The following ATP8A2 variants were observed in gnomAD, a reference collection of about 807,000 sequenced individuals.
The protein encoded by ATP8A2 is phospholipid-transporting ATPase IB.
Under a neutral mutation model 165.6 loss-of-function variants are expected in ATP8A2, and 100 were observed. The observed-to-expected ratio is 0.60, with a 90% CI of 0.51 to 0.71. ATP8A2 has a LOEUF of 0.71. ATP8A2 is among the 30% of genes least tolerant of loss of function. The pLI, the probability that ATP8A2 is intolerant of heterozygous loss-of-function variation, is 0.00. For synonymous variants in ATP8A2, 543 were observed against 548.8 expected (o/e 0.99, Z 0.15); for missense variants, 1,227 against 1,479.5 (o/e 0.83, Z 2.80).
intron 24 of ATP8A2, among the ~76,000 whole-genome samples, chr13:25,607,973 A>C (rs115157043): frequency 9.2e-5 from 14 of 152,196 alleles, no homozygotes; most frequent in African/African-American, 1.7e-4. Context: ...TTTTCCTCTT[A>C]ATAGATGATA....
chr13:25,629,378 C>T (rs562951277), intron 24 of ATP8A2, among the ~76,000 whole-genome samples: 24 of 152,098 alleles, frequency 1.6e-4, no homozygotes, highest in Admixed American at 8.5e-4. Context: ...GGCACAGTTA[C>T]ATTAAGTCTA....
intron 35 of ATP8A2, among the ~76,000 whole-genome samples, chr13:25,981,460 A>G (rs993377689): frequency 6.6e-6 from 1 of 152,238 alleles, no homozygotes; most frequent in African/African-American, 2.4e-5. Flanking sequence ...CTTGTTTGAA[A>G]AATAGCAATA....
At chr13:25,761,633 AATATAAT>A (rs10535119) in intron 25 of ATP8A2, among the ~76,000 whole-genome samples, 11,383 of 150,164 alleles carry the variant, frequency 0.076, 498 homozygotes, top group Middle Eastern at 0.13. Context: ...ATGTATATAA[AATATAAT>A]ATATATTAGC....
At chr13:25,707,551 G>A (rs1412036176) in intron 25 of ATP8A2, among the ~76,000 whole-genome samples, 1 of 152,216 alleles carries the variant, frequency 6.6e-6, no homozygotes, top group Non-Finnish European at 1.5e-5. Context: ...CAAATATTTA[G>A]TATAAGATTG....
intron 1 of ATP8A2, among the ~76,000 whole-genome samples, chr13:25,442,815 C>T (rs898838292): frequency 7.2e-5 from 11 of 152,134 alleles, no homozygotes; most frequent in Admixed American, 2.0e-4. Flanking sequence ...AATGTCTATG[C>T]CAGTCCCTTG....
Position 25,589,673 on chromosome 13 carries a change from A to G in ATP8A2, c.2185A>G (p.Ile729Val), listed in dbSNP as rs1411654252. 6.2e-7 allele frequency: 1 copy of G among 1,611,612 alleles called. No homozygotes were observed. The highest frequency in any genetic ancestry group is 1.7e-5 in the Admixed American group (1 of 59,926). ...CRLVSQNMAL[I>V]LLKEDSLDAT... ...ATTGGTATCGCAGAATATGGCCCTTATCCTATTGAAGGAGGACTCTTTGGA... is the reference window on the plus strand; with the variant it reads ...ATTGGTATCGCAGAATATGGCCCTTGTCCTATTGAAGGAGGACTCTTTGGA... The change falls in exon 24 of 37, where the codon ATC becomes GTC. Residue 729 changes from isoleucine to valine, a missense_variant. Physicochemically the swap from Ile to Val is conservative, Grantham distance 29. Transcript: ENST00000381655.
At chr13:25,610,883 C>CTT (rs56730760) in intron 24 of ATP8A2, among the ~76,000 whole-genome samples, 2,440 of 120,620 alleles carry the variant, frequency 0.02, 93 homozygotes, top group African/African-American at 0.051. Flanking sequence ...AGGTATATTC[C>CTT]TTTTTTTTTT....
At chr13:25,586,861 A>G (rs1457089820) in intron 23 of ATP8A2, among the ~76,000 whole-genome samples, 1 of 152,112 alleles carries the variant, frequency 6.6e-6, no homozygotes, top group East Asian at 1.9e-4. Context: ...GTTTAGTAAT[A>G]TTTTCTAGTG....
chr13:25,476,801 A>G (rs2036008197), intron 2 of ATP8A2, among the ~76,000 whole-genome samples: 1 of 152,202 alleles, frequency 6.6e-6, no homozygotes, highest in Admixed American at 6.5e-5. Flanking sequence ...TTAATTTCCA[A>G]GCCAGGCACT....
At chr13:25,504,358 T>C (rs1593415760) in intron 2 of ATP8A2, among the ~76,000 whole-genome samples, 1 of 152,284 alleles carries the variant, frequency 6.6e-6, no homozygotes, top group East Asian at 1.9e-4. Flanking sequence ...TTCGTATGTT[T>C]TTTTCAGAAG....
chr13:25,678,897 C>T (rs1184423655), intron 24 of ATP8A2, among the ~76,000 whole-genome samples: 1 of 152,088 alleles, frequency 6.6e-6, no homozygotes, highest in Non-Finnish European at 1.5e-5. Context: ...CTGTAACATG[C>T]TACAAAAATG....
intron 1 of ATP8A2, among the ~76,000 whole-genome samples, chr13:25,463,304 C>T (rs1020673981): frequency 2.6e-5 from 4 of 151,708 alleles, no homozygotes; most frequent in African/African-American, 4.8e-5. Flanking sequence ...TAATAATTTG[C>T]CCTTATGCTA....
intron 1 of ATP8A2, among the ~76,000 whole-genome samples, chr13:25,464,446 TA>T (rs34063090): frequency 0.22 from 27,756 of 127,148 alleles, 2,825 homozygotes; most frequent in East Asian, 0.27. Context: ...CATCTCTATC[TA>T]AAAAAAAAAA....
intron 33 of ATP8A2, among the ~76,000 whole-genome samples, chr13:25,956,963 T>C (rs527969611): frequency 5.3e-5 from 8 of 152,166 alleles, no homozygotes; most frequent in African/African-American, 1.9e-4. Context: ...CAGAAATAAT[T>C]CCACACATCT....
chr13:25,463,481 A>G (rs990840686), intron 1 of ATP8A2, among the ~76,000 whole-genome samples: 53 of 152,050 alleles, frequency 3.5e-4, no homozygotes, highest in Admixed American at 2.5e-3. Context: ...ACCTGTCAGC[A>G]TTTTTCATTT....
At chr13:25,961,462 A>G (rs1955658540) in intron 33 of ATP8A2, 113 bp from the exon 34 acceptor site, 1 of 865,484 alleles carries the variant, frequency 1.2e-6, no homozygotes, top group Non-Finnish European at 1.9e-6. Context: ...CTCTCATTGC[A>G]TTTAGTGCGG....
At chr13:25,964,764 G>A (rs1235716994) in intron 34 of ATP8A2, among the ~76,000 whole-genome samples, 1 of 152,198 alleles carries the variant, frequency 6.6e-6, no homozygotes, top group Non-Finnish European at 1.5e-5. Flanking sequence ...GTGATGCCGA[G>A]AGAGCTTCCA....
In ATP8A2 at chr13:25,894,943, A is replaced by G. The variant is rs1342733718; in HGVS notation, c.3183+32535A>G. Among the ~76,000 whole-genome samples the G allele has an allele frequency of 2.6e-5, 4 of 152,132 alleles. No homozygotes were observed. The East Asian group carries it at 7.7e-4, about 29-fold the overall frequency. On this transcript the variant is annotated intron_variant, in intron 33 of 36. Coordinates refer to ENST00000381655, the MANE Select transcript of ATP8A2 (RefSeq NM_016529.6). ...CTTAAGGAGATTTTGGGCTGAGACA[A>G]TGGGGTTTTCTAGATATACAATCAT...
chr13:25,536,578 C>T (rs1421346076), intron 6 of ATP8A2, among the ~76,000 whole-genome samples: 1 of 152,126 alleles, frequency 6.6e-6, no homozygotes, highest in African/African-American at 2.4e-5. Flanking sequence ...TTTTTCCCAA[C>T]AGAAAATTAA....
Sources: allele counts gnomAD v4.1 joint callset (sites outside exome capture counted in the v4.1 genomes callset), GRCh38; gene constraint gnomAD v4.1.1; transcripts MANE v1.5; gene names NCBI Gene and HGNC (gene_info 2026-07-23, HGNC 2026-07-21).